Variants in TRIO observed in about 807,000 individuals in gnomAD.
TRIO encodes the protein trio Rho guanine nucleotide exchange factor, also known as triple functional domain protein.
Under a neutral mutation model 351.9 loss-of-function variants are expected in TRIO, and 58 were observed. The ratio of observed to expected loss-of-function variants is 0.16; its 90% CI spans 0.13 to 0.21. The LOEUF is 0.21. Ranked by LOEUF, TRIO falls within the 10% of genes least tolerant of loss-of-function variation. The pLI is 1.00. For missense variants in TRIO, 3,201 were observed against 4,027.8 expected (o/e 0.79, Z 5.56); for synonymous variants, 1,758 against 1,595.7 (o/e 1.10, Z -2.42).
chr5:14,378,243 C>A, intron 20 of TRIO, 116 bp downstream of exon 20: 1 of 712,254 alleles, frequency 1.4e-6, no homozygotes, highest in Non-Finnish European at 2.4e-6. Flanking sequence ...TAATGACAAA[C>A]AGTATAGCCT....
At chr5:14,156,620 C>T (rs995490696) in intron 1 of TRIO, among the ~76,000 whole-genome samples, 2 of 152,166 alleles carry the variant, frequency 1.3e-5, no homozygotes, top group African/African-American at 2.4e-5. Context: ...AAAAACCTGG[C>T]TCCTTTTATC....
At position 14,477,875 on chromosome 5, in the gene TRIO, G is replaced by A. The variant is rs377128904; in HGVS notation, c.6153+912G>A. ...GAACTTGACCACCCATCTCTTTGAA[G>A]TCTTTAAGTGTTGTGAAGTTCAGAG... On this transcript the variant is annotated intron_variant, in intron 41 of 56. Coordinates refer to ENST00000344204, the MANE Select transcript of TRIO (RefSeq NM_007118.4). Among the ~76,000 whole-genome samples the A allele has an allele frequency of 3.3e-5, 5 of 152,270 alleles. 1 individual carries two copies. The highest frequency in any genetic ancestry group is 1.9e-4 in the East Asian group (1 of 5,186).
chr5:14,427,650 C>T (rs772365408), intron 34 of TRIO, among the ~76,000 whole-genome samples: 4 of 152,280 alleles, frequency 2.6e-5, no homozygotes, highest in African/African-American at 4.8e-5. Context: ...CACAGGGCCG[C>T]GGCCTTGTCC....
At chr5:14,504,972 C>T (rs1757560795) in intron 55 of TRIO, among the ~76,000 whole-genome samples, 1 of 151,898 alleles carries the variant, frequency 6.6e-6, no homozygotes, top group African/African-American at 2.4e-5. Flanking sequence ...CTGTGCAGGG[C>T]CAGCTCACCC....
chr5:14,404,017 G>GA (rs1024693421), intron 31 of TRIO, among the ~76,000 whole-genome samples: 1 of 146,946 alleles, frequency 6.8e-6, no homozygotes, highest in Non-Finnish European at 1.5e-5. Context: ...AGGTTGTGGT[G>GA]AGGGTGTAGG....
chr5:14,470,400 T>G (rs26182), intron 37 of TRIO, among the ~76,000 whole-genome samples: 41,962 of 152,186 alleles, frequency 0.28, 5,971 homozygotes, highest in Middle Eastern at 0.39. Context: ...TCATCACATT[T>G]TTTTCCAGTT....
chr5:14,502,477 T>G lies in TRIO; in HGVS notation c.8333-102T>G, dbSNP rs1307074469. On this transcript the variant is annotated intron_variant, in intron 53 of 56. Coordinates refer to ENST00000344204, the MANE Select transcript of TRIO (RefSeq NM_007118.4). ...CATGAGCCGTGTGGCAGGTGCCCGGTGGCCACGCGCAGCTGCTGTGAGGGA... is the reference window on the plus strand; with the variant it reads ...CATGAGCCGTGTGGCAGGTGCCCGGGGGCCACGCGCAGCTGCTGTGAGGGA... 8 of 1,115,716 alleles carry G rather than the reference T, an allele frequency of 7.2e-6. No individual in the cohort carries two copies. The Admixed American group carries it at 1.5e-4, about 21-fold the overall frequency. The allele number at this position is 1,115,716 out of a possible 1,614,324, so 69.1% of individuals were successfully genotyped here.
intron 11 of TRIO, among the ~76,000 whole-genome samples, chr5:14,353,069 G>A (rs72746099): frequency 1.3e-5 from 2 of 152,182 alleles, no homozygotes; most frequent in Non-Finnish European, 2.9e-5. Flanking sequence ...ATGATGTTAA[G>A]TTTACTAGAC....
chr5:14,284,498 G>T (rs548570469), intron 3 of TRIO, among the ~76,000 whole-genome samples: 15 of 152,330 alleles, frequency 9.8e-5, no homozygotes, highest in African/African-American at 2.9e-4. Flanking sequence ...GGAAGCCGCT[G>T]GGTGGGAGCA....
chr5:14,432,446 C>CCT (rs1239117662), intron 34 of TRIO, among the ~76,000 whole-genome samples: 2 of 152,232 alleles, frequency 1.3e-5, no homozygotes, highest in Non-Finnish European at 2.9e-5. Context: ...AACCTGGTGT[C>CCT]CTAAGTTCGC....
chr5:14,216,197 A>G (rs1427143090), intron 1 of TRIO, among the ~76,000 whole-genome samples: 1 of 152,180 alleles, frequency 6.6e-6, no homozygotes, highest in East Asian at 1.9e-4. Flanking sequence ...CTTTCCTTCC[A>G]TAAGTTCAAG....
At chr5:14,486,227 T>C (rs1755904794) in intron 47 of TRIO, among the ~76,000 whole-genome samples, 1 of 152,230 alleles carries the variant, frequency 6.6e-6, no homozygotes, top group Admixed American at 6.5e-5. Flanking sequence ...GGTTCTTTGC[T>C]TCATGTTCGT....
chr5:14,500,743 C>T (rs529851985), intron 53 of TRIO, among the ~76,000 whole-genome samples: 5 of 152,050 alleles, frequency 3.3e-5, no homozygotes, highest in African/African-American at 7.2e-5. Flanking sequence ...AAAAAATTAG[C>T]TGGGTGTGGT....
intron 1 of TRIO, among the ~76,000 whole-genome samples, chr5:14,164,613 G>A (rs185980968): frequency 5.3e-5 from 8 of 151,290 alleles, no homozygotes; most frequent in South Asian, 2.1e-4. Flanking sequence ...TTAAACAATG[G>A]CCTCTCAACG....
At chr5:14,322,671 A>T (rs1739991743) in intron 9 of TRIO, among the ~76,000 whole-genome samples, 1 of 152,086 alleles carries the variant, frequency 6.6e-6, no homozygotes, top group South Asian at 2.1e-4. Context: ...GAGTTCCTGA[A>T]CTCCCTTGTC....
intron 20 of TRIO, among the ~76,000 whole-genome samples, chr5:14,378,849 C>T (rs142037769): frequency 0.012 from 1,872 of 152,252 alleles, 45 homozygotes; most frequent in African/African-American, 0.042. Flanking sequence ...CATGAGCCAC[C>T]GCACCTGGCC....
At chr5:14,448,405 C>T (rs1192119263) in intron 34 of TRIO, among the ~76,000 whole-genome samples, 3 of 152,246 alleles carry the variant, frequency 2.0e-5, no homozygotes, top group Non-Finnish European at 2.9e-5. Context: ...TCCATCAGAG[C>T]GTGGGTTGTC....
Position 14,364,754 on chromosome 5 carries a change from C to A in TRIO, c.2692C>A (p.Gln898Lys), listed in dbSNP as rs1057024282. ...KQQELDLAAE[Q>K]HRKHLEQCVQ... Reference sequence around the variant, plus strand: ...GCAGGAATTGGATTTAGCCGCAGAGCAGCATCGGAAACACCTGGAGCAGTG... The same window carrying A: ...GCAGGAATTGGATTTAGCCGCAGAGAAGCATCGGAAACACCTGGAGCAGTG... The change falls in exon 15 of 57, where the codon CAG (glutamine) becomes AAG (lysine). Residue 898 changes from glutamine (Q) to lysine (K), a missense_variant. By Grantham distance (53) the Gln-to-Lys change is moderately conservative. Around this residue, in one of 19 missense-constraint regions of TRIO, gnomAD observed 363 missense variants for 553.5 expected, o/e 0.66. Coordinates refer to ENST00000344204, the MANE Select transcript of TRIO (RefSeq NM_007118.4). 13 of 1,612,474 alleles carry A rather than the reference C, an allele frequency of 8.1e-6. No homozygotes were observed. Among genetic ancestry groups the A allele is most frequent in the African/African-American group, 1.3e-5 (1 of 74,876 alleles).
intron 34 of TRIO, among the ~76,000 whole-genome samples, chr5:14,438,251 T>G (rs1432290635): frequency 6.6e-6 from 1 of 152,220 alleles, no homozygotes; most frequent in Non-Finnish European, 1.5e-5. Flanking sequence ...TAAACCTGTC[T>G]CACTGTTTCA....
Sources: gnomAD v4.1 joint callset for allele counts (sites outside exome capture counted in the v4.1 genomes callset) on GRCh38, gnomAD v4.1.1 for gene constraint, gnomAD v4.1.1 regional missense constraint, MANE v1.5 for transcripts, NCBI Gene and HGNC (gene_info 2026-07-23, HGNC 2026-07-21) for gene names.